GLB1L2: variants seen among roughly 807,000 people sequenced by gnomAD.
GLB1L2 encodes the protein galactosidase beta 1 like 2.
Under a neutral mutation model 84.1 loss-of-function variants are expected in GLB1L2, and 68 were observed. That is an observed-to-expected ratio of 0.81 (90% CI 0.67 to 0.99). The LOEUF (loss-of-function observed/expected upper bound fraction) is 0.99, where lower values mean the gene tolerates loss of function less well. Ranked by LOEUF, GLB1L2 falls within the 50% of genes least tolerant of loss-of-function variation. GLB1L2 has a pLI of 0.00. For missense variants in GLB1L2, 762 were observed against 805.6 expected, an observed-to-expected ratio of 0.95 and a Z score of 0.66; for synonymous variants, 290 against 318.0, an observed-to-expected ratio of 0.91 and a Z score of 0.94.
chr11:134,345,322 A>C (rs1205884576), intron 4 of GLB1L2, among the ~76,000 whole-genome samples, 193 bp downstream of exon 4: 1 of 152,232 alleles, frequency 6.6e-6, no homozygotes, highest in Non-Finnish European at 1.5e-5. Flanking sequence ...GAGTGCCCTC[A>C]CGTAGCCATG....
chr11:134,350,376 T>A (rs1387588465), intron 5 of GLB1L2, among the ~76,000 whole-genome samples: 1 of 152,194 alleles, frequency 6.6e-6, no homozygotes, highest in Admixed American at 6.5e-5. Flanking sequence ...GAGCTCAGCA[T>A]GGCTTTATCC....
intron 5 of GLB1L2, among the ~76,000 whole-genome samples, chr11:134,349,411 A>G (rs950495610): frequency 6.6e-5 from 10 of 152,188 alleles, no homozygotes; most frequent in Admixed American, 6.5e-4. Context: ...TGGGTGTACA[A>G]ATACCTTTCT....
intron 11 of GLB1L2, 73 bp downstream of exon 11, chr11:134,369,958 T>G: frequency 7.9e-7 from 1 of 1,270,884 alleles, no homozygotes. Context: ...AAAGAGTTAC[T>G]TCCTTACTGT....
chr11:134,341,091 G>A (rs908434295), intron 1 of GLB1L2, among the ~76,000 whole-genome samples: 1 of 152,220 alleles, frequency 6.6e-6, no homozygotes, highest in African/African-American at 2.4e-5. Flanking sequence ...GAATGGAGAA[G>A]TTGGGATTAT....
chr11:134,370,284 G>T lies in GLB1L2; in HGVS notation c.1109-9G>T, dbSNP rs372641064. The T allele has an allele frequency of 1.2e-6, 2 of 1,611,762 alleles. No individual in the cohort carries two copies. The highest frequency in any genetic ancestry group is 2.2e-5 in the East Asian group (1 of 44,838). ...TCCGTTGGGGGTGACCCTGTTTTCT[G>T]TGTTGCAGGCATCCCTCTCCCTCCC... is the stretch of plus-strand genomic sequence containing the variant. On this transcript the variant is annotated splice_polypyrimidine_tract_variant and intron_variant, in intron 11 of 18. Coordinates refer to ENST00000535456, the MANE Select transcript of GLB1L2 (RefSeq NM_001370461.1). This position sits in a 1 kb window ranked among gnomAD's most constrained non-coding sequence, Gnocchi z 4.7.
At chr11:134,374,294 T>G in intron 17 of GLB1L2, 38 bp downstream of exon 17, 2 of 1,471,900 alleles carry the variant, frequency 1.4e-6, no homozygotes, top group South Asian at 2.3e-5. Flanking sequence ...TTCTCCCACC[T>G]GCCTCCCGCC....
chr11:134,352,091 G>A (rs1465686508), intron 5 of GLB1L2, among the ~76,000 whole-genome samples: 2 of 152,130 alleles, frequency 1.3e-5, no homozygotes, highest in East Asian at 1.9e-4. Flanking sequence ...TCTTTGTTGG[G>A]AGGTTTTTAG....
rs371997531 is a variant in GLB1L2, at chr11:134,375,100, G to T, written c.*42G>T. 6.5e-7 allele frequency: 1 copy of T among 1,534,986 alleles called. No homozygotes were observed. The highest frequency in any genetic ancestry group is 9.0e-7 in the Non-Finnish European group (1 of 1,115,006). On this transcript the variant is annotated 3_prime_UTR_variant, in exon 19 of 19. Coordinates refer to ENST00000535456, the MANE Select transcript of GLB1L2 (RefSeq NM_001370461.1). ...CTGCTGGTGCCAGTGGGAGACTGCC[G>T]CCTCCTCTTGACCTGAAGCCTGGTG... is the stretch of plus-strand genomic sequence containing the variant.
intron 5 of GLB1L2, among the ~76,000 whole-genome samples, chr11:134,350,153 G>A (rs1443258254): frequency 6.6e-6 from 1 of 152,208 alleles, no homozygotes; most frequent in Non-Finnish European, 1.5e-5. Flanking sequence ...CGCTGTGCTA[G>A]TACACTGGCT....
chr11:134,362,728 C>G (rs989150496), intron 7 of GLB1L2, among the ~76,000 whole-genome samples: 1 of 152,226 alleles, frequency 6.6e-6, no homozygotes, highest in African/African-American at 2.4e-5. Flanking sequence ...CGCAGCAGCT[C>G]GGGCCCAGGG....
At chr11:134,355,977 A>G (rs1368393853) in intron 5 of GLB1L2, 1 of 497,798 alleles carries the variant, frequency 2.0e-6, no homozygotes, top group Non-Finnish European at 3.9e-6. Context: ...GGGTGGGGCA[A>G]GAACTTGTGA....
chr11:134,369,500 T>C (rs12789372), intron 10 of GLB1L2, among the ~76,000 whole-genome samples: 9,823 of 60,574 alleles, frequency 0.16, 484 homozygotes, highest in Non-Finnish European at 0.22. Context: ...AGCGATCCTC[T>C]TGCCTTGGCC....
At chr11:134,337,419 A>G (rs1208057175) in intron 1 of GLB1L2, among the ~76,000 whole-genome samples, 2 of 152,192 alleles carry the variant, frequency 1.3e-5, no homozygotes, top group African/African-American at 4.8e-5. Flanking sequence ...CATTTCCCTG[A>G]GGCTGAAGTT....
In GLB1L2 at chr11:134,342,820, C is replaced by T. The variant is rs766255908; in HGVS notation, c.153C>T (p.Gly51=). 65 of 1,613,938 alleles carry T rather than the reference C, an allele frequency of 4.0e-5. No homozygotes were observed. The highest frequency in any genetic ancestry group is 5.2e-5 in the Non-Finnish European group (61 of 1,180,036). ...RHRQLGLQAK[G]WNFMLEDSTF... ...GACAGCTGGGGCTGCAGGCCAAGGGCTGGAACTTCATGCTGGAGGATTCCA... is the reference window on the plus strand; with the variant it reads ...GACAGCTGGGGCTGCAGGCCAAGGGTTGGAACTTCATGCTGGAGGATTCCA... The change falls in exon 2 of 19, where the codon GGC becomes GGT. Residue 51 remains glycine (G), a synonymous_variant. Transcript: ENST00000535456.
chr11:134,370,964 A>G lies in GLB1L2; in HGVS notation c.1216-44A>G, dbSNP rs1565443027. ...CCAGGCAGAGTCTGTCTGTGACCCCACTCCTCCTGAGCCTGCCCACCCCTC... is the reference window on the plus strand; with the variant it reads ...CCAGGCAGAGTCTGTCTGTGACCCCGCTCCTCCTGAGCCTGCCCACCCCTC... On this transcript the variant is annotated intron_variant, in intron 12 of 18. Transcript: ENST00000535456. This position sits in a 1 kb window ranked among gnomAD's most constrained non-coding sequence, Gnocchi z 4.7. 6.2e-7 allele frequency: 1 copy of G among 1,608,008 alleles called. No homozygotes were observed. Among genetic ancestry groups the G allele is most frequent in the South Asian group, 1.1e-5 (1 of 89,992 alleles).
At chr11:134,353,403 CTG>C (rs1943659814) in intron 5 of GLB1L2, among the ~76,000 whole-genome samples, 1 of 152,038 alleles carries the variant, frequency 6.6e-6, no homozygotes, top group African/African-American at 2.4e-5. Flanking sequence ...GAGCAAGACT[CTG>C]TTTTTTTTTA....
rs1382922615 is a variant in GLB1L2 at position 134,374,986 on chromosome 11, G to A, written c.1839G>A (p.Glu613=). ...SSGINQVIVF[E]ETMAGPALQF... ...TCTCTCCACAGGTCATCGTTTTTGA[G>A]GAGACGATGGCGGGCCCTGCATTAC... Residue 613 remains glutamate, a synonymous_variant, in exon 19 of 19, where the codon GAG becomes GAA. Coordinates refer to ENST00000535456, the MANE Select transcript of GLB1L2 (RefSeq NM_001370461.1). 6.2e-7 allele frequency: 1 copy of A among 1,613,632 alleles called. No homozygotes were observed. Among genetic ancestry groups the A allele is most frequent in the East Asian group, 2.2e-5 (1 of 44,870 alleles).
At position 134,371,468 on chromosome 11, in the gene GLB1L2, G is replaced by A. The variant is rs370523826; in HGVS notation, c.1404G>A (p.Thr468=). ...VSIGFLDYKT[T]KIAVPLIQGY... is the part of the protein sequence containing the mutation. ...TAGGATTCTTGGACTACAAGACAAC[G>A]AAGATTGCTGTCCCCCTGATCCAGG... Residue 468 remains threonine (T), a synonymous_variant, in exon 14 of 19, where the codon ACG becomes ACA. Coordinates refer to ENST00000535456, the MANE Select transcript of GLB1L2 (RefSeq NM_001370461.1). 51 of 1,595,134 alleles carry A rather than the reference G, an allele frequency of 3.2e-5. No individual in the cohort carries two copies. In the Admixed American group the frequency reaches 6.2e-4, roughly 19 times the overall value.
In GLB1L2 at chr11:134,334,066, G is replaced by C. The variant is rs1402246068; in HGVS notation, c.86+1919G>C. On this transcript the variant is annotated intron_variant, in intron 1 of 18. Transcript: ENST00000535456. The surrounding 1 kb of genome is among the most constrained non-coding windows in gnomAD (Gnocchi z 4.1). ...AGTATGAGTTGCTGTAATATCTCTG[G>C]AGGCAGGAGGAGAACATCCTCTTTG... is the stretch of plus-strand genomic sequence containing the variant. 1.3e-5 allele frequency among the ~76,000 whole-genome samples: 2 copies of C among 152,150 alleles called. No homozygotes were observed. The highest frequency in any genetic ancestry group is 1.3e-4 in the Admixed American group (2 of 15,282).
Sources: gnomAD v4.1 joint callset for allele counts (sites outside exome capture counted in the v4.1 genomes callset) on GRCh38, gnomAD v4.1.1 for gene constraint, Gnocchi (gnomAD v3.1) non-coding constraint, MANE v1.5 for transcripts, NCBI Gene and HGNC (gene_info 2026-07-23, HGNC 2026-07-21) for gene names.